Variants in ACE observed in about 807,000 individuals in gnomAD.
ACE encodes the protein angiotensin-converting enzyme.
In ACE, 122 loss-of-function variants were observed where a neutral mutation model predicts 162.3. The ratio of observed to expected loss-of-function variants is 0.75; its 90% CI spans 0.65 to 0.87. ACE has a LOEUF of 0.87. Ranked by LOEUF, ACE falls within the 40% of genes least tolerant of loss-of-function variation. ACE has a pLI of 0.00. For missense variants in ACE, 1,799 were observed against 1,735.1 expected, an observed-to-expected ratio of 1.04 and a Z score of -0.65; for synonymous variants, 796 against 720.6, an observed-to-expected ratio of 1.10 and a Z score of -1.68.
At chr17:63,479,498 C>T (rs1027673322) in intron 3 of ACE, among the ~76,000 whole-genome samples, 25 of 152,182 alleles carry the variant, frequency 1.6e-4, no homozygotes, top group African/African-American at 6.0e-4. Flanking sequence ...TCCAATAGGC[C>T]GCTAAGTGTC....
Position 63,496,790 on chromosome 17 carries a change from C to T in ACE, c.3504-8C>T, listed in dbSNP as rs1302374516. On this transcript the variant is annotated splice_polypyrimidine_tract_variant and splice_region_variant and intron_variant, in intron 23 of 24. Transcript: ENST00000290866. ...CTGACTCTGCCTCCCTGTCTCATGCCTCCCCAGGACCGCCATGAAGCTGGG... is the reference window on the plus strand; with the variant it reads ...CTGACTCTGCCTCCCTGTCTCATGCTTCCCCAGGACCGCCATGAAGCTGGG... The T allele has an allele frequency of 6.2e-7, 1 of 1,611,290 alleles. No homozygotes were observed. The highest frequency in any genetic ancestry group is 8.5e-7 in the Non-Finnish European group (1 of 1,179,976).
In ACE at chr17:63,496,789, C is replaced by T; in HGVS notation, c.3504-9C>T. Reference sequence around the variant, plus strand: ...TCTGACTCTGCCTCCCTGTCTCATGCCTCCCCAGGACCGCCATGAAGCTGG... The same window carrying T: ...TCTGACTCTGCCTCCCTGTCTCATGTCTCCCCAGGACCGCCATGAAGCTGG... On this transcript the variant is annotated splice_polypyrimidine_tract_variant and intron_variant, in intron 23 of 24. Coordinates refer to ENST00000290866, the MANE Select transcript of ACE (RefSeq NM_000789.4). 1.2e-6 allele frequency: 2 copies of T among 1,611,212 alleles called. No homozygotes were observed. The highest frequency in any genetic ancestry group is 1.7e-6 in the Non-Finnish European group (2 of 1,179,968).
intron 7 of ACE, among the ~76,000 whole-genome samples, 164 bp from the exon 8 acceptor site, chr17:63,482,300 CAA>C (rs59148455): frequency 3.5e-5 from 5 of 140,896 alleles, no homozygotes; most frequent in Admixed American, 1.4e-4. Flanking sequence ...GACGCTGTCT[CAA>C]AAAAAAAAAA....
intron 19 of ACE, among the ~76,000 whole-genome samples, chr17:63,492,070 T>C (rs2030423418): frequency 7.2e-5 from 11 of 152,184 alleles, no homozygotes. Flanking sequence ...CTGGGGCACA[T>C]GTTCCCAGTG....
intron 17 of ACE, 103 bp from the exon 18 acceptor site, chr17:63,490,851 G>C (rs2030321498): frequency 4.6e-6 from 5 of 1,084,084 alleles, no homozygotes; most frequent in Non-Finnish European, 5.7e-6. Context: ...ATGCCACTAT[G>C]ATTAGCAGGA....
intron 6 of ACE, 109 bp downstream of exon 6, chr17:63,481,297 C>A: frequency 9.3e-7 from 1 of 1,070,618 alleles, no homozygotes; most frequent in South Asian, 1.3e-5. Context: ...TGAGCAGCAG[C>A]CTGGTGTGTC....
chr17:63,497,578 C>T lies in ACE; in HGVS notation c.*212C>T, dbSNP rs1201283097. ...CTGCCTGACACTGAGCCCCACCTCT[C>T]CAAGTCTCTCTGTGAATACAATTAA... is the stretch of plus-strand genomic sequence containing the variant. On this transcript the variant is annotated 3_prime_UTR_variant, in exon 25 of 25. Transcript: ENST00000290866. 24 of 701,950 alleles carry T rather than the reference C, an allele frequency of 3.4e-5. No individual in the cohort carries two copies. The highest frequency in any genetic ancestry group is 5.5e-5 in the Non-Finnish European group (21 of 385,202). The allele number at this position is 701,950 out of a possible 1,614,324, so 43.5% of individuals were successfully genotyped here.
chr17:63,493,337 G>T, intron 19 of ACE, 99 bp from the exon 20 acceptor site: 1 of 1,146,818 alleles, frequency 8.7e-7, no homozygotes, highest in African/African-American at 1.5e-5. Context: ...CTGCAGTGCT[G>T]GGGTCTGCCC....
intron 9 of ACE, 114 bp downstream of exon 9, chr17:63,483,287 C>T (rs1247969119): frequency 3.3e-5 from 51 of 1,564,930 alleles, no homozygotes; most frequent in Admixed American, 5.0e-5. Flanking sequence ...TGATGTCCCC[C>T]GCTGTGACCC....
At chr17:63,489,231 ACTG>A in intron 17 of ACE, 99 bp downstream of exon 17, 1 of 1,412,484 alleles carries the variant, frequency 7.1e-7, no homozygotes, top group Admixed American at 1.9e-5. Context: ...CAGGCTGGGG[ACTG>A]AGAGACTCCA....
chr17:63,488,543 T>TTTTTTTTTTTTTTG, intron 15 of ACE, 105 bp from the exon 16 acceptor site: 3 of 1,253,708 alleles, frequency 2.4e-6, no homozygotes, highest in Admixed American at 3.5e-5. Flanking sequence ...CAGTCACTTT[T>TTTTTTTTTTTTTTG]ATGTGGTTTC....
In ACE at chr17:63,479,814, T is replaced by C; in HGVS notation, c.557T>C (p.Leu186Pro). 6 of 1,613,468 alleles carry C rather than the reference T, an allele frequency of 3.7e-6. No homozygotes were observed. Among genetic ancestry groups the C allele is most frequent in the Non-Finnish European group, 5.1e-6 (6 of 1,180,034 alleles). ...TCCTCGCGAAGCTACGCCATGCTCC[T>C]GTTTGCCTGGGAGGGCTGGCACAAC... ...LASSRSYAMLLFAWEGWHNAA... is the reference protein window; with the variant it reads ...LASSRSYAMLPFAWEGWHNAA... The change falls in exon 4 of 25, where the codon CTG (leucine) becomes CCG (proline). Residue 186 changes from leucine (L) to proline (P), a missense_variant. Transcript: ENST00000290866.
rs781327679 is a variant in ACE, at chr17:63,493,401, T to C, written c.2913-35T>C. ...ATGCCCAGGGCTTCTCACTGTCCTC[T>C]CCCAACACCCTCTCCCCCACTCCAC... is the stretch of plus-strand genomic sequence containing the variant. On this transcript the variant is annotated intron_variant, in intron 19 of 24. Transcript: ENST00000290866. The C allele has an allele frequency of 5.6e-6, 9 of 1,605,480 alleles. No homozygotes were observed. In the East Asian group the frequency reaches 1.8e-4, roughly 32 times the overall value.
rs752685131 is a variant in ACE, at chr17:63,493,488, G to A, written c.2965G>A (p.Glu989Lys). ...GGAGGACCTGGTGGTGGCCCACCAC[G>A]AAATGGGCCACATCCAGTATTTCAT... ...NLEDLVVAHH[E>K]MGHIQYFMQY... is the part of the protein sequence containing the mutation. Residue 989 changes from glutamate (E) to lysine (K), a missense_variant, in exon 20 of 25, where the codon GAA (glutamate) becomes AAA (lysine). By Grantham distance (56) the Glu-to-Lys change is moderately conservative. Transcript: ENST00000290866. The A allele has an allele frequency of 6.2e-6, 10 of 1,613,746 alleles. No homozygotes were observed. Among genetic ancestry groups the A allele is most frequent in the South Asian group, 2.2e-5 (2 of 91,066 alleles).
rs1405858837 is a variant in ACE, at chr17:63,488,997, C to T, written c.2506C>T (p.Gln836Ter). The change falls in exon 17 of 25, where the codon CAA (glutamine) becomes TAA (stop). Residue 836 changes from glutamine (Q) to a stop codon, truncating the protein, a stop_gained. Transcript: ENST00000290866. LOFTEE classifies it high-confidence loss of function. ...TATGTACGAGACACCATCCCTGGAG[C>T]AAGACCTGGAGCGGCTCTTCCAGGA... ...RSMYETPSLE[Q>*]DLERLFQELQ... 1.2e-6 allele frequency: 2 copies of T among 1,614,188 alleles called. No homozygotes were observed. The highest frequency in any genetic ancestry group is 2.7e-5 in the African/African-American group (2 of 75,050).
At chr17:63,478,342 T>G in intron 2 of ACE, 1 of 561,624 alleles carries the variant, frequency 1.8e-6, no homozygotes, top group Admixed American at 3.1e-5. Flanking sequence ...AATACACTTC[T>G]CCCTAGGCTG....
chr17:63,490,734 C>T (rs2030313538), intron 17 of ACE: 1 of 581,844 alleles, frequency 1.7e-6, no homozygotes, highest in Non-Finnish European at 3.1e-6. Flanking sequence ...TCCCTGATAA[C>T]CAGCAAGGCC....
At chr17:63,489,229 G>T in intron 17 of ACE, 97 bp downstream of exon 17, 1 of 1,434,330 alleles carries the variant, frequency 7.0e-7, no homozygotes, top group Non-Finnish European at 9.5e-7. Context: ...AGCAGGCTGG[G>T]GACTGAGAGA....
rs75535843 is a variant in ACE at position 63,487,427 on chromosome 17, G to A, written c.2305+354G>A. 1.1e-3 allele frequency among the ~76,000 whole-genome samples: 166 copies of A among 152,140 alleles called. 2 individuals carry two copies. The East Asian group carries it at 0.03, about 27-fold the overall frequency. On this transcript the variant is annotated intron_variant, in intron 15 of 24. Transcript: ENST00000290866. ...GAACTCGGGGACACTAGCTCCCCCC[G>A]GCCTCCTTTCGTGACCCTGCCCTTG...
Sources: gnomAD v4.1 joint callset for allele counts (sites outside exome capture counted in the v4.1 genomes callset) on GRCh38, gnomAD v4.1.1 for gene constraint, MANE v1.5 for transcripts, NCBI Gene and HGNC (gene_info 2026-07-23, HGNC 2026-07-21) for gene names.